UNC13C: variants seen among roughly 807,000 people sequenced by gnomAD.
UNC13C encodes unc-13 homolog C.
UNC13C carries 174 observed loss-of-function variants against 245.4 expected under a neutral mutation model. That is an observed-to-expected ratio of 0.71 (90% confidence interval 0.63 to 0.80). UNC13C has a LOEUF of 0.80. Among genes scored for constraint, UNC13C ranks in the 30% least tolerant of loss-of-function variants. The pLI, the probability that UNC13C is intolerant of heterozygous loss-of-function variation, is 0.00. For missense variants in UNC13C, 2,829 were observed against 2,602.9 expected (o/e 1.09, Z -1.89); for synonymous variants, 992 against 895.1 (o/e 1.11, Z -1.93).
chr15:53,947,186 A>C, the UNC13C span, among the ~76,000 whole-genome samples: 2 of 152,204 alleles, frequency 1.3e-5, no homozygotes, highest in African/African-American at 4.8e-5. Flanking sequence ...TGTTCTGATG[A>C]GTTCCAAAAT....
intron 1 of UNC13C, among the ~76,000 whole-genome samples, chr15:53,991,586 A>G (rs1259598644): frequency 6.6e-6 from 1 of 151,958 alleles, no homozygotes; most frequent in African/African-American, 2.4e-5. Context: ...TCAACCTTCT[A>G]ATCATCCATT....
At position 54,426,043 on chromosome 15, in the gene UNC13C, C is replaced by A. The variant is rs76738289; in HGVS notation, c.4933+10976C>A. Among the ~76,000 whole-genome samples, 1,218 of 151,796 alleles carry A rather than the reference C, an allele frequency of 8.0e-3. 12 individuals are homozygous for A. Among genetic ancestry groups the A allele is most frequent in the African/African-American group, 0.028 (1,177 of 41,476 alleles). On this transcript the variant is annotated intron_variant, in intron 19 of 32. Transcript: ENST00000260323. ...CATGACTCTAACAATGACTCTCCTG[C>A]CTCCCTCTTCCACATTTACATGTCC...
intron 4 of UNC13C, among the ~76,000 whole-genome samples, chr15:54,184,049 C>T (rs1449441691): frequency 6.6e-6 from 1 of 151,902 alleles, no homozygotes; most frequent in Non-Finnish European, 1.5e-5. Context: ...ATTTGTTTAG[C>T]ATTATAATTT....
At chr15:53,951,349 G>A in the UNC13C span, among the ~76,000 whole-genome samples, 1 of 152,176 alleles carries the variant, frequency 6.6e-6, no homozygotes, top group Non-Finnish European at 1.5e-5. Flanking sequence ...GCTTCCTATG[G>A]TATTCAACAC....
intron 22 of UNC13C, 123 bp downstream of exon 22, chr15:54,501,101 T>G: frequency 1.1e-6 from 1 of 943,748 alleles, no homozygotes; most frequent in Non-Finnish European, 1.5e-6. Flanking sequence ...TCTGTACTAG[T>G]AAATTCAGTT....
chr15:54,415,091 T>C (rs373422712), intron 19 of UNC13C, 24 bp downstream of exon 19: 41 of 1,509,104 alleles, frequency 2.7e-5, no homozygotes, highest in African/African-American at 2.4e-4. Context: ...TTTATACTTA[T>C]TCGAATACAT....
chr15:54,563,388 TGA>T (rs1243816723), intron 29 of UNC13C, among the ~76,000 whole-genome samples: 1 of 152,036 alleles, frequency 6.6e-6, no homozygotes, highest in Non-Finnish European at 1.5e-5. Flanking sequence ...GTCCTTCAAC[TGA>T]GAGGTTACAA....
chr15:54,352,289 ATTATAT>A (rs1314794428), intron 17 of UNC13C, among the ~76,000 whole-genome samples: 2 of 147,298 alleles, frequency 1.4e-5, no homozygotes, highest in African/African-American at 4.9e-5. Context: ...CATTTATATA[ATTATAT>A]TTATATAATT....
chr15:54,620,012 A>G (rs1900695434), intron 30 of UNC13C, among the ~76,000 whole-genome samples: 1 of 140,676 alleles, frequency 7.1e-6, no homozygotes, highest in Non-Finnish European at 1.6e-5. Context: ...CTAACCCACA[A>G]TTGTCAGAAA....
At chr15:54,300,422 A>G (rs1402601966) in intron 13 of UNC13C, 49 bp downstream of exon 13, 1 of 1,480,446 alleles carries the variant, frequency 6.8e-7, no homozygotes, top group Admixed American at 2.3e-5. Context: ...TTAAAATATA[A>G]AGAAAGAAAG....
intron 17 of UNC13C, among the ~76,000 whole-genome samples, chr15:54,351,242 T>C (rs961345393): frequency 2.6e-5 from 4 of 152,170 alleles, no homozygotes; most frequent in Admixed American, 2.0e-4. Context: ...ATACAGGATA[T>C]CCAGTGAAGT....
chr15:54,519,974 G>T (rs1224180672), intron 24 of UNC13C, among the ~76,000 whole-genome samples: 1 of 152,112 alleles, frequency 6.6e-6, no homozygotes, highest in African/African-American at 2.4e-5. Context: ...GTTTTAAAAA[G>T]AAAACATAAA....
chr15:53,868,575 T>A, the UNC13C span, among the ~76,000 whole-genome samples: 1 of 144,898 alleles, frequency 6.9e-6, no homozygotes, highest in Non-Finnish European at 1.5e-5. Flanking sequence ...TATAAGATAT[T>A]CCTGCTTATG....
chr15:54,175,702 G>A (rs567815751), intron 4 of UNC13C, among the ~76,000 whole-genome samples: 5 of 151,818 alleles, frequency 3.3e-5, no homozygotes, highest in East Asian at 3.9e-4. Context: ...TAATAGAGAC[G>A]GGGTTTCACA....
intron 4 of UNC13C, among the ~76,000 whole-genome samples, chr15:54,147,789 C>CGTGTGTGTGTGTGTGTGTGT (rs56353727): frequency 0.032 from 4,699 of 147,500 alleles, 133 homozygotes; most frequent in Non-Finnish European, 0.048. Flanking sequence ...AAGGTGTGTG[C>CGTGTGTGTGTGTGTGTGTGT]GTGTGTGTGT....
intron 2 of UNC13C, among the ~76,000 whole-genome samples, chr15:54,114,398 C>T (rs948871074): frequency 2.0e-5 from 3 of 152,048 alleles, no homozygotes; most frequent in Admixed American, 2.0e-4. Context: ...TTTTACTATT[C>T]ATAAATATAG....
chr15:54,390,684 A>C (rs11629500), intron 17 of UNC13C, among the ~76,000 whole-genome samples: 10,554 of 152,144 alleles, frequency 0.069, 400 homozygotes, highest in East Asian at 0.12. Context: ...GAATATACTT[A>C]TTATAAGCTT....
At chr15:53,920,890 TA>T in the UNC13C span, among the ~76,000 whole-genome samples, 1 of 150,868 alleles carries the variant, frequency 6.6e-6, no homozygotes, top group African/African-American at 2.4e-5. Context: ...GACAAATAAA[TA>T]ATAAATCACA....
intron 2 of UNC13C, among the ~76,000 whole-genome samples, chr15:54,022,494 A>T (rs1230512103): frequency 6.6e-6 from 1 of 152,026 alleles, no homozygotes; most frequent in African/African-American, 2.4e-5. Flanking sequence ...TTTAATTTGC[A>T]TTTCCCTGAG....
Sources: gnomAD v4.1 joint callset for allele counts (sites outside exome capture counted in the v4.1 genomes callset) on GRCh38, gnomAD v4.1.1 for gene constraint, MANE v1.5 for transcripts, NCBI Gene and HGNC (gene_info 2026-07-23, HGNC 2026-07-21) for gene names.